Variants in ZNF343 observed in about 807,000 individuals in gnomAD.
ZNF343 encodes the protein zinc finger protein 343.
A neutral mutation model predicts 13.8 loss-of-function variants in ZNF343; 11 were observed. The ratio of observed to expected loss-of-function variants is 0.80; its 90% CI spans 0.50 to 1.32. ZNF343 has a LOEUF of 1.32. ZNF343 is among the 40% of genes most tolerant of loss of function. The pLI, the probability that ZNF343 is intolerant of heterozygous loss-of-function variation, is 0.00. For missense variants in ZNF343, 658 were observed against 714.2 expected (o/e 0.92, Z 0.90); for synonymous variants, 248 against 260.0 (o/e 0.95, Z 0.44).
chr20:2,483,212 C>T lies in ZNF343; in HGVS notation c.1749G>A (p.Gly583=), dbSNP rs757609216. 5.8e-5 allele frequency: 94 copies of T among 1,612,404 alleles called. No individual in the cohort carries two copies. The Admixed American group carries it at 1.6e-3, about 27-fold the overall frequency. ...GEKHYVCREC[G]RGFSHKSNLI... is the part of the protein sequence containing the mutation. ...GATTTGACTTATGACTAAAGCCTCG[C>T]CCACACTCCCTACAAACATAATGCT... The change falls in exon 6 of 6, where the codon GGG becomes GGA. Residue 583 remains glycine, a synonymous_variant. Coordinates refer to ENST00000278772, the MANE Select transcript of ZNF343 (RefSeq NM_024325.6).
Position 2,493,518 on chromosome 20 carries a change from C to A in ZNF343, c.177+1G>T, listed in dbSNP as rs560550921. 1.2e-6 allele frequency: 2 copies of A among 1,613,020 alleles called. No homozygotes were observed. The highest frequency in any genetic ancestry group is 1.7e-6 in the Non-Finnish European group (2 of 1,179,340). ...AAAAAAAAAATGTAACCCCAACTCA[C>A]CACTATTTGGGCCTTTCCCTCCTTT... is the stretch of plus-strand genomic sequence containing the variant. On this transcript the variant is annotated splice_donor_variant, in intron 4 of 5. Transcript: ENST00000278772. LOFTEE classifies it high-confidence loss of function.
At chr20:2,512,634 T>G (rs1312250071), upstream of ZNF343, among the ~76,000 whole-genome samples, 1 of 152,158 alleles carries the variant, frequency 6.6e-6, no homozygotes, top group Admixed American at 6.5e-5. Context: ...AAGTTGGACC[T>G]CTACCTCCCA....
At chr20:2,515,405 A>G (rs2085755046) in intron 1 of ZNF343, among the ~76,000 whole-genome samples, 1 of 152,238 alleles carries the variant, frequency 6.6e-6, no homozygotes, top group African/African-American at 2.4e-5. Context: ...GTATTGTTAT[A>G]TGGAGGAATT....
upstream of ZNF343, among the ~76,000 whole-genome samples, chr20:2,512,919 CAAA>C (rs71193970): frequency 9.4e-3 from 1,179 of 125,302 alleles, 5 homozygotes; most frequent in Admixed American, 0.013. Flanking sequence ...ATTTCTCTAC[CAAA>C]AAAAAAAAAA....
chr20:2,502,714 G>A (rs1229150305), intron 1 of ZNF343, among the ~76,000 whole-genome samples: 1 of 152,156 alleles, frequency 6.6e-6, no homozygotes, highest in African/African-American at 2.4e-5. Flanking sequence ...GCCAAACTAA[G>A]CTTCGTAAGT....
At position 2,492,944 on chromosome 20, in the gene ZNF343, T is replaced by C. The variant is rs932252838; in HGVS notation, c.178-119A>G. ...CAAGTTGATGTAATTCGTCAGAATA[T>C]ATGGTTCTCCATATGAAGTTCTTCT... On this transcript the variant is annotated intron_variant, in intron 4 of 5. Coordinates refer to ENST00000278772, the MANE Select transcript of ZNF343 (RefSeq NM_024325.6). 1.5e-5 allele frequency: 22 copies of C among 1,423,504 alleles called. No homozygotes were observed. The Middle Eastern group carries it at 5.5e-4, about 35-fold the overall frequency. 88.2% of individuals were successfully genotyped at this position (1,423,504 alleles called of 1,614,324 possible). A position where few individuals can be genotyped will look rare whatever the true frequency, so the allele number is the denominator to read the frequency against.
At chr20:2,514,635 A>G (rs558647547) in intron 1 of ZNF343, among the ~76,000 whole-genome samples, 2 of 152,282 alleles carry the variant, frequency 1.3e-5, no homozygotes, top group Admixed American at 6.5e-5. Context: ...TCAATATTAT[A>G]TATATCTTTT....
chr20:2,521,455 C>T (rs1314644688), intron 1 of ZNF343, among the ~76,000 whole-genome samples: 1 of 152,112 alleles, frequency 6.6e-6, no homozygotes, highest in African/African-American at 2.4e-5. Flanking sequence ...GTAGAGATAG[C>T]CTGTGGAGCC....
At chr20:2,505,670 T>G (rs2085644234) in intron 1 of ZNF343, among the ~76,000 whole-genome samples, 1 of 152,030 alleles carries the variant, frequency 6.6e-6, no homozygotes, top group Non-Finnish European at 1.5e-5. Context: ...TTGACAAACC[T>G]GACAAAAACA....
At position 2,483,885 on chromosome 20, in the gene ZNF343, C is replaced by G; in HGVS notation, c.1076G>C (p.Gly359Ala). 6.2e-7 allele frequency: 1 copy of G among 1,614,214 alleles called. No individual in the cohort carries two copies. ...EEKPYVCSECGRGFSEKSSFI... is the reference protein window; with the variant it reads ...EEKPYVCSECARGFSEKSSFI... ...GGATGACTTCTCGCTAAAGCCTCGC[C>G]CACACTCGCTGCAAACATAGGGCTT... Residue 359 changes from glycine (G) to alanine (A), a missense_variant, in exon 6 of 6, where the codon GGG (glycine) becomes GCG (alanine). Gly to Ala is a moderately conservative substitution (Grantham distance 60). Coordinates refer to ENST00000278772, the MANE Select transcript of ZNF343 (RefSeq NM_024325.6).
chr20:2,502,549 G>C (rs531190327), intron 1 of ZNF343, among the ~76,000 whole-genome samples: 3 of 152,076 alleles, frequency 2.0e-5, no homozygotes, highest in Non-Finnish European at 4.4e-5. Flanking sequence ...AAAATGTTAA[G>C]GGCAGCCAGA....
At chr20:2,523,714 A>G (rs1600085858) in intron 1 of ZNF343, among the ~76,000 whole-genome samples, 1 of 118,964 alleles carries the variant, frequency 8.4e-6, no homozygotes, top group Non-Finnish European at 1.6e-5. Context: ...GGAATCTCGC[A>G]CTCTGGCCTG....
intron 2 of ZNF343, 96 bp downstream of exon 2, chr20:2,500,560 C>CT (rs1439841198): frequency 6.6e-6 from 1 of 152,224 alleles, no homozygotes. Flanking sequence ...AATTGGAACA[C>CT]TTCAGGGTAC....
rs556113907 is a variant in ZNF343, at chr20:2,516,815, G to C, written c.-347+7640C>G. Among the ~76,000 whole-genome samples the C allele has an allele frequency of 1.5e-4, 23 of 152,218 alleles. No individual in the cohort carries two copies. The South Asian group carries it at 4.6e-3, about 30-fold the overall frequency. On this transcript the variant is annotated intron_variant, in intron 1 of 6. Transcript: ENST00000358413. The stretch of plus-strand genomic sequence containing the variant: ...AGGGTTATGATCACATTGAGGGTCA[G>C]GTTGAGGATAAAGGTCAGGCTCAAG...
chr20:2,492,984 G>T, intron 4 of ZNF343, 159 bp from the exon 5 acceptor site: 2 of 1,001,138 alleles, frequency 2.0e-6, no homozygotes, highest in Non-Finnish European at 1.5e-6. Flanking sequence ...ACTACTGTCT[G>T]CCTGGCTTTC....
intron 5 of ZNF343, among the ~76,000 whole-genome samples, chr20:2,488,037 A>C (rs2085308501): frequency 6.6e-6 from 1 of 152,150 alleles, no homozygotes; most frequent in South Asian, 2.1e-4. Context: ...TTTAAGATTC[A>C]TTCTATGTTA....
At chr20:2,496,684 A>G (rs1286678754) in intron 2 of ZNF343, among the ~76,000 whole-genome samples, 2 of 152,172 alleles carry the variant, frequency 1.3e-5, no homozygotes, top group African/African-American at 4.8e-5. Flanking sequence ...GTAGGTGGTA[A>G]ATAGCAATCA....
intron 2 of ZNF343, among the ~76,000 whole-genome samples, chr20:2,496,661 A>C (rs2085463825): frequency 6.6e-6 from 1 of 152,218 alleles, no homozygotes; most frequent in African/African-American, 2.4e-5. Flanking sequence ...GTTTGGACGA[A>C]AGTGGACACA....
chr20:2,484,452 CCTT>C lies in ZNF343; in HGVS notation c.506_508del (p.Glu169del), dbSNP rs780104766. Reference sequence around the variant, plus strand: ...TTTGGAGCCACCTCCTCTCTCCTGACCTTCTGCATTTTCAAACCAACAGCTTAC... The same window carrying C: ...TTTGGAGCCACCTCCTCTCTCCTGACCTGCATTTTCAAACCAACAGCTTAC... On this transcript the variant is annotated inframe_deletion, in exon 6 of 6. Transcript: ENST00000278772. The C allele has an allele frequency of 4.3e-6, 7 of 1,614,094 alleles. No individual in the cohort carries two copies. The highest frequency in any genetic ancestry group is 2.7e-5 in the African/African-American group (2 of 74,928).
Sources: allele counts gnomAD v4.1 joint callset (sites outside exome capture counted in the v4.1 genomes callset), GRCh38; gene constraint gnomAD v4.1.1; transcripts MANE v1.5; gene names NCBI Gene and HGNC (gene_info 2026-07-23, HGNC 2026-07-21).